Variants in CHMP3 observed in about 807,000 individuals in gnomAD.
The protein encoded by CHMP3 is 25.1 protein.
In CHMP3, 8 loss-of-function variants were observed where a neutral mutation model predicts 27.4. That is an observed-to-expected ratio of 0.29 (90% CI 0.17 to 0.53). CHMP3 has a LOEUF of 0.53. Among genes scored for constraint, CHMP3 ranks in the 20% least tolerant of loss-of-function variants. The pLI is 0.96. For missense variants in CHMP3, 208 were observed against 271.5 expected, an observed-to-expected ratio of 0.77 and a Z score of 1.64; for synonymous variants, 86 against 85.5, an observed-to-expected ratio of 1.01 and a Z score of -0.03.
chr2:86,563,266 A>C (rs1205893606), intron 1 of CHMP3, 38 bp downstream of exon 1: 18 of 1,612,466 alleles, frequency 1.1e-5, no homozygotes, highest in Non-Finnish European at 1.4e-5. Flanking sequence ...CGCCCCACAC[A>C]GATCCACCCG....
rs1674840589 is a variant in CHMP3 at position 86,505,138 on chromosome 2, T to C, written c.*666A>G. On this transcript the variant is annotated 3_prime_UTR_variant, in exon 6 of 6. Coordinates refer to ENST00000263856, the MANE Select transcript of CHMP3 (RefSeq NM_016079.4). ...TGTCTCATCTGGGTGCAACTTGCAA[T>C]GGGAAGGAAGGGACAGAAGCTCTAA... 6.6e-6 allele frequency: 1 copy of C among 152,462 alleles called. No individual in the cohort carries two copies. The highest frequency in any genetic ancestry group is 2.1e-4 in the South Asian group (1 of 4,824). 9.4% of individuals were successfully genotyped at this position (152,462 alleles called of 1,614,324 possible). A position where few individuals can be genotyped will look rare whatever the true frequency, so the allele number is the denominator to read the frequency against.
intron 1 of CHMP3, among the ~76,000 whole-genome samples, chr2:86,553,675 C>A (rs1402630301): frequency 1.3e-5 from 2 of 152,142 alleles, no homozygotes; most frequent in Non-Finnish European, 2.9e-5. Context: ...AAACACAAAC[C>A]TCGCTGAATC....
intron 1 of CHMP3, among the ~76,000 whole-genome samples, chr2:86,557,221 AG>A (rs1677162264): frequency 1.3e-5 from 2 of 152,134 alleles, no homozygotes; most frequent in Admixed American, 1.3e-4. Flanking sequence ...ACTGCCATTC[AG>A]GGGGATGAAC....
At chr2:86,553,678 G>C (rs1316055578) in intron 1 of CHMP3, among the ~76,000 whole-genome samples, 1 of 152,074 alleles carries the variant, frequency 6.6e-6, no homozygotes, top group African/African-American at 2.4e-5. Flanking sequence ...CACAAACCTC[G>C]CTGAATCCTA....
rs1485743823 is a variant in CHMP3 at position 86,504,448 on chromosome 2, T to C, written c.*1356A>G. On this transcript the variant is annotated 3_prime_UTR_variant, in exon 6 of 6. Coordinates refer to ENST00000263856, the MANE Select transcript of CHMP3 (RefSeq NM_016079.4). ...ATTTAAAATAATTTTTTAACTACAC[T>C]CTGAAGATGAAATCAAGAGTAATAG... 1 of 150,400 alleles carries C rather than the reference T, an allele frequency of 6.6e-6. No homozygotes were observed. Among genetic ancestry groups the C allele is most frequent in the Non-Finnish European group, 1.5e-5 (1 of 67,100 alleles). 9.3% of individuals were successfully genotyped at this position (150,400 alleles called of 1,614,324 possible).
In CHMP3 at chr2:86,525,361, T is replaced by C. The variant is rs60726548; in HGVS notation, c.286+3857A>G. Among the ~76,000 whole-genome samples the C allele has an allele frequency of 2.6e-4, 40 of 152,264 alleles. 2 individuals carry two copies. In the East Asian group the frequency reaches 7.7e-3, roughly 29 times the overall value. On this transcript the variant is annotated intron_variant, in intron 3 of 5. Transcript: ENST00000263856. ...TGCTGAACTAAAACACCACTTATAA[T>C]GTGGGTTACGCTACAGGTAAAATAC...
intron 1 of CHMP3, among the ~76,000 whole-genome samples, chr2:86,561,259 T>C (rs1677348708): frequency 6.6e-6 from 1 of 152,226 alleles, no homozygotes; most frequent in Admixed American, 6.5e-5. Flanking sequence ...TTGGGCAAAT[T>C]ACCTAAATAC....
At chr2:86,555,323 C>T (rs188490872) in intron 1 of CHMP3, among the ~76,000 whole-genome samples, 38 of 151,950 alleles carry the variant, frequency 2.5e-4, no homozygotes, top group African/African-American at 4.6e-4. Context: ...TGTGTGCTGA[C>T]GTAAGAAAAT....
At chr2:86,521,203 G>C (rs538163141) in intron 3 of CHMP3, among the ~76,000 whole-genome samples, 1 of 151,998 alleles carries the variant, frequency 6.6e-6, no homozygotes, top group East Asian at 1.9e-4. Context: ...CTCTCTTTTT[G>C]GACTCAGCCC....
intron 3 of CHMP3, chr2:86,511,005 G>A (rs927296988): frequency 1.3e-5 from 2 of 152,352 alleles, no homozygotes; most frequent in African/African-American, 4.8e-5. Flanking sequence ...CCTTACTAGA[G>A]AAAAACCTTC....
intron 3 of CHMP3, among the ~76,000 whole-genome samples, chr2:86,523,164 C>T (rs187789017): frequency 1.3e-3 from 197 of 152,284 alleles, no homozygotes; most frequent in African/African-American, 4.5e-3. Flanking sequence ...CCCACTTGCT[C>T]GGTACCCAAC....
At position 86,504,476 on chromosome 2, in the gene CHMP3, G is replaced by A. The variant is rs1295715308; in HGVS notation, c.*1328C>T. 6.6e-6 allele frequency: 1 copy of A among 150,864 alleles called. No homozygotes were observed. Among genetic ancestry groups the A allele is most frequent in the African/African-American group, 2.4e-5 (1 of 41,068 alleles). 9.3% of individuals were successfully genotyped at this position (150,864 alleles called of 1,614,324 possible). On this transcript the variant is annotated 3_prime_UTR_variant, in exon 6 of 6. Coordinates refer to ENST00000263856, the MANE Select transcript of CHMP3 (RefSeq NM_016079.4). ...GAAGATGAAATCAAGAGTAATAGGA[G>A]GGTCCTCTGGACTCAAAAATGAAAT...
chr2:86,526,830 A>G (rs2103936824), intron 3 of CHMP3, among the ~76,000 whole-genome samples: 1 of 152,104 alleles, frequency 6.6e-6, no homozygotes, highest in East Asian at 1.9e-4. Context: ...CAGCCTCCCA[A>G]AGGGCTGGCA....
chr2:86,529,834 A>C (rs912725218), intron 2 of CHMP3, among the ~76,000 whole-genome samples: 1 of 152,190 alleles, frequency 6.6e-6, no homozygotes, highest in Non-Finnish European at 1.5e-5. Context: ...ATAAGTCTTT[A>C]TTATATGCTT....
At chr2:86,511,696 ATTATT>A (rs2104744330) in intron 3 of CHMP3, 1 of 152,204 alleles carries the variant, frequency 6.6e-6, no homozygotes, top group African/African-American at 2.4e-5. Flanking sequence ...TAGTTGTATT[ATTATT>A]TTATAATTTG....
At chr2:86,554,800 TAA>T (rs1446219325) in intron 1 of CHMP3, among the ~76,000 whole-genome samples, 1 of 145,036 alleles carries the variant, frequency 6.9e-6, no homozygotes, top group Admixed American at 7.1e-5. Context: ...ATCAATAGAA[TAA>T]ATGTGTGTGC....
intron 1 of CHMP3, among the ~76,000 whole-genome samples, chr2:86,550,025 G>T (rs1362792714): frequency 1.3e-5 from 2 of 152,262 alleles, no homozygotes; most frequent in East Asian, 3.8e-4. Context: ...GCCAAGGCAG[G>T]TGGCTGGAAG....
intron 3 of CHMP3, 99 bp downstream of exon 3, chr2:86,529,119 T>A (rs1409360618): frequency 2.3e-6 from 3 of 1,304,472 alleles, no homozygotes; most frequent in Non-Finnish European, 3.0e-6. Context: ...ATACAAAGAA[T>A]AAAAACCAGA....
intron 2 of CHMP3, among the ~76,000 whole-genome samples, chr2:86,537,924 A>G (rs955811820): frequency 1.3e-5 from 2 of 152,222 alleles, no homozygotes; most frequent in East Asian, 3.9e-4. Flanking sequence ...TTATGTACGC[A>G]AAAGTACTGA....
Sources: allele counts gnomAD v4.1 joint callset (sites outside exome capture counted in the v4.1 genomes callset), GRCh38; gene constraint gnomAD v4.1.1; transcripts MANE v1.5; gene names NCBI Gene and HGNC (gene_info 2026-07-23, HGNC 2026-07-21).